CNTNAP5: variants seen among roughly 807,000 people sequenced by gnomAD.
The protein encoded by CNTNAP5 is contactin associated protein family member 5.
CNTNAP5 carries 72 observed loss-of-function variants against 150.2 expected under a neutral mutation model. That is an observed-to-expected ratio of 0.48 (90% confidence interval 0.40 to 0.58). The LOEUF is 0.58. Ranked by LOEUF, CNTNAP5 falls within the 20% of genes least tolerant of loss-of-function variation. The pLI is 0.00. For missense variants in CNTNAP5, 1,636 were observed against 1,626.2 expected (o/e 1.01, Z -0.10); for synonymous variants, 672 against 619.8 (o/e 1.08, Z -1.25).
At chr2:124,239,970 C>T (rs1163854322) in intron 2 of CNTNAP5, among the ~76,000 whole-genome samples, 1 of 151,886 alleles carries the variant, frequency 6.6e-6, no homozygotes, top group African/African-American at 2.4e-5. Context: ...AGTGATTTTC[C>T]TCCTTACTAA....
At chr2:124,878,958 C>T (rs566327771) in intron 21 of CNTNAP5, among the ~76,000 whole-genome samples, 3 of 152,150 alleles carry the variant, frequency 2.0e-5, no homozygotes, top group East Asian at 1.9e-4. Flanking sequence ...GCTGGGATTA[C>T]AGGCATGAGC....
intron 3 of CNTNAP5, among the ~76,000 whole-genome samples, chr2:124,299,126 T>C (rs1158902200): frequency 6.6e-6 from 1 of 152,146 alleles, no homozygotes. Context: ...TGCTAGTATA[T>C]GCTTCCCACA....
chr2:124,062,703 A>G (rs1682044615), intron 1 of CNTNAP5, among the ~76,000 whole-genome samples: 1 of 152,116 alleles, frequency 6.6e-6, no homozygotes, highest in Admixed American at 6.6e-5. Context: ...TGGATTTAGA[A>G]CCAGTGGTAA....
intron 1 of CNTNAP5, among the ~76,000 whole-genome samples, chr2:124,205,448 T>C (rs534084638): frequency 1.3e-4 from 19 of 151,006 alleles, no homozygotes; most frequent in African/African-American, 2.4e-5. Context: ...AAATGGAGTC[T>C]CACCCTGTCT....
chr2:124,149,196 C>T (rs1292617480), intron 1 of CNTNAP5, among the ~76,000 whole-genome samples: 1 of 152,012 alleles, frequency 6.6e-6, no homozygotes, highest in African/African-American at 2.4e-5. Flanking sequence ...CTGTTCATAG[C>T]CCTCACTCTA....
chr2:124,500,504 G>T (rs1694252684), intron 7 of CNTNAP5, among the ~76,000 whole-genome samples: 1 of 152,124 alleles, frequency 6.6e-6, no homozygotes, highest in Non-Finnish European at 1.5e-5. Flanking sequence ...TTTGTTGAAG[G>T]CAGACAAGTG....
intron 13 of CNTNAP5, among the ~76,000 whole-genome samples, chr2:124,721,744 A>G (rs1680054440): frequency 6.6e-6 from 1 of 152,088 alleles, no homozygotes; most frequent in Admixed American, 6.5e-5. Context: ...CAAAATTCTG[A>G]TATATCAGGA....
chr2:124,394,151 C>T (rs1452315069), intron 3 of CNTNAP5, among the ~76,000 whole-genome samples: 6 of 152,046 alleles, frequency 3.9e-5, no homozygotes, highest in Non-Finnish European at 7.4e-5. Flanking sequence ...GCAGGCAGAA[C>T]ACCTGAGGTC....
intron 13 of CNTNAP5, among the ~76,000 whole-genome samples, chr2:124,722,544 G>T (rs1680069622): frequency 6.6e-6 from 1 of 152,092 alleles, no homozygotes; most frequent in Non-Finnish European, 1.5e-5. Flanking sequence ...ATTCTTTTTG[G>T]CTTCATGCTC....
chr2:124,660,706 AC>A (rs1396483765), intron 13 of CNTNAP5, among the ~76,000 whole-genome samples: 2 of 152,220 alleles, frequency 1.3e-5, no homozygotes, highest in Non-Finnish European at 2.9e-5. Flanking sequence ...ACTGTAGGCA[AC>A]TATAATACAA....
chr2:124,669,068 C>CAGAATAATTATTCAGAATAATTT (rs1195214281), intron 13 of CNTNAP5, among the ~76,000 whole-genome samples: 2 of 152,206 alleles, frequency 1.3e-5, no homozygotes, highest in East Asian at 3.9e-4. Context: ...CAGAATAATT[C>CAGAATAATTATTCAGAATAATTT]AGCATGTGTT....
chr2:124,877,430 C>A (rs1023239207), intron 21 of CNTNAP5, among the ~76,000 whole-genome samples: 2 of 152,070 alleles, frequency 1.3e-5, no homozygotes, highest in Non-Finnish European at 2.9e-5. Flanking sequence ...AGAGGGGTGG[C>A]CTTCACGGAT....
chr2:124,084,939 TGAGACGGAGTCTCGC>T (rs1682648804), intron 1 of CNTNAP5, among the ~76,000 whole-genome samples: 9 of 146,354 alleles, frequency 6.1e-5, no homozygotes, highest in Non-Finnish European at 7.5e-5. Context: ...TTTTTTTTTT[TGAGACGGAGTCTCGC>T]TTTGTTGCCC....
At chr2:124,466,239 C>T (rs552561911) in intron 6 of CNTNAP5, among the ~76,000 whole-genome samples, 1 of 152,156 alleles carries the variant, frequency 6.6e-6, no homozygotes, top group Non-Finnish European at 1.5e-5. Context: ...TGTAACTATT[C>T]TCTGAAAATC....
At chr2:124,573,245 G>A (rs1272823702) in intron 11 of CNTNAP5, among the ~76,000 whole-genome samples, 1 of 152,216 alleles carries the variant, frequency 6.6e-6, no homozygotes, top group African/African-American at 2.4e-5. Context: ...AATGCAGGGT[G>A]TATATTCACC....
At chr2:124,572,874 G>A (rs1696198621) in intron 11 of CNTNAP5, among the ~76,000 whole-genome samples, 1 of 152,158 alleles carries the variant, frequency 6.6e-6, no homozygotes, top group Admixed American at 6.5e-5. Flanking sequence ...ACCTTTTGCA[G>A]CTATTACTTC....
chr2:124,420,822 A>G (rs1056797854), intron 4 of CNTNAP5, among the ~76,000 whole-genome samples: 4 of 152,158 alleles, frequency 2.6e-5, no homozygotes, highest in Admixed American at 2.0e-4. Flanking sequence ...CAATTGTATA[A>G]GCCAATTCCT....
intron 3 of CNTNAP5, among the ~76,000 whole-genome samples, chr2:124,279,484 T>G (rs1302947387): frequency 6.6e-6 from 1 of 151,900 alleles, no homozygotes; most frequent in Non-Finnish European, 1.5e-5. Context: ...ACACTATATG[T>G]ACCAGACTCT....
intron 21 of CNTNAP5, among the ~76,000 whole-genome samples, chr2:124,895,826 G>A (rs976563323): frequency 2.0e-5 from 3 of 151,378 alleles, no homozygotes; most frequent in Non-Finnish European, 4.4e-5. Flanking sequence ...AGGAGGGAGG[G>A]GTGCTCCTTA....
Sources: allele counts gnomAD v4.1 joint callset (sites outside exome capture counted in the v4.1 genomes callset), GRCh38; gene constraint gnomAD v4.1.1; transcripts MANE v1.5; gene names NCBI Gene and HGNC (gene_info 2026-07-23, HGNC 2026-07-21).